The following LRP1B variants were observed in gnomAD, a reference collection of about 807,000 sequenced individuals.
The protein encoded by LRP1B is LDL receptor related protein 1B, also known as low-density lipoprotein receptor-related protein 1B.
Under a neutral mutation model 556.6 loss-of-function variants are expected in LRP1B, and 217 were observed. The observed-to-expected ratio is 0.39, with a 90% CI of 0.35 to 0.44. The LOEUF (loss-of-function observed/expected upper bound fraction) is 0.44. Ranked by LOEUF, LRP1B falls within the 20% of genes least tolerant of loss-of-function variation. The pLI is 1.00. For missense variants in LRP1B, 5,053 were observed against 5,620.8 expected (o/e 0.90, Z 3.23); for synonymous variants, 2,047 against 1,865.8 (o/e 1.10, Z -2.50).
Position 140,682,189 on chromosome 2 carries a change from T to C in LRP1B, c.6799+18061A>G, listed in dbSNP as rs572038204. Among the ~76,000 whole-genome samples, 3 of 152,336 alleles carry C rather than the reference T, an allele frequency of 2.0e-5. No individual in the cohort carries two copies. In the South Asian group the frequency reaches 6.2e-4, roughly 32 times the overall value. On this transcript the variant is annotated intron_variant, in intron 41 of 90. Transcript: ENST00000389484. Reference sequence around the variant, plus strand: ...GCGACAGAATGGGCATTTAGGACCATCTACTCTGTGAGGCTTCTTTCATCA... The same window carrying C: ...GCGACAGAATGGGCATTTAGGACCACCTACTCTGTGAGGCTTCTTTCATCA...
intron 3 of LRP1B, among the ~76,000 whole-genome samples, chr2:141,471,281 T>G (rs202174441): frequency 1.8e-4 from 15 of 81,774 alleles, no homozygotes; most frequent in South Asian, 5.9e-4. Context: ...TTTTTTTTTT[T>G]TTTTTTTTTT....
At chr2:141,721,241 T>C (rs1692800014) in intron 2 of LRP1B, among the ~76,000 whole-genome samples, 1 of 152,226 alleles carries the variant, frequency 6.6e-6, no homozygotes, top group Non-Finnish European at 1.5e-5. Context: ...AAGTTTTTAT[T>C]CAAAAGTGTG....
intron 6 of LRP1B, among the ~76,000 whole-genome samples, chr2:141,202,030 A>G (rs1682045701): frequency 6.6e-6 from 1 of 151,596 alleles, no homozygotes; most frequent in Admixed American, 6.6e-5. Flanking sequence ...AACATATGCC[A>G]TGATGGTTTG....
chr2:140,452,484 A>G (rs1686925139), intron 62 of LRP1B, among the ~76,000 whole-genome samples: 1 of 152,128 alleles, frequency 6.6e-6, no homozygotes, highest in African/African-American at 2.4e-5. Context: ...TGAAAAGCAT[A>G]TATCACAATA....
At chr2:141,933,573 C>T (rs544630490) in intron 1 of LRP1B, among the ~76,000 whole-genome samples, 1 of 152,036 alleles carries the variant, frequency 6.6e-6, no homozygotes, top group Non-Finnish European at 1.5e-5. Flanking sequence ...AAATAAATCT[C>T]AATTGCAAGG....
chr2:142,064,221 G>T (rs146076233), intron 1 of LRP1B, among the ~76,000 whole-genome samples: 2 of 151,442 alleles, frequency 1.3e-5, no homozygotes, highest in African/African-American at 2.4e-5. Flanking sequence ...CCACCTATCT[G>T]TACTCTATTT....
At chr2:141,486,126 T>C (rs1193978906) in intron 2 of LRP1B, among the ~76,000 whole-genome samples, 2 of 152,152 alleles carry the variant, frequency 1.3e-5, no homozygotes, top group African/African-American at 4.8e-5. Flanking sequence ...TAAATCTAAA[T>C]GTAGGTGACC....
intron 35 of LRP1B, among the ~76,000 whole-genome samples, chr2:140,725,616 A>T (rs1687567215): frequency 6.6e-6 from 1 of 151,908 alleles, no homozygotes; most frequent in Non-Finnish European, 1.5e-5. Context: ...GCACACCAAC[A>T]TGACATATGT....
chr2:140,833,421 G>A (rs552020131), intron 31 of LRP1B, among the ~76,000 whole-genome samples: 23 of 152,232 alleles, frequency 1.5e-4, no homozygotes, highest in African/African-American at 3.9e-4. Flanking sequence ...ATCACTCACT[G>A]ATTCACCAAA....
intron 1 of LRP1B, among the ~76,000 whole-genome samples, chr2:141,884,936 T>A (rs1453711642): frequency 1.3e-5 from 2 of 152,306 alleles, no homozygotes; most frequent in East Asian, 3.9e-4. Context: ...TTTGGATGGA[T>A]TGATTGGCTC....
intron 3 of LRP1B, among the ~76,000 whole-genome samples, chr2:141,291,855 C>CAAAAAAAAAAAAAA (rs143819331): frequency 1.0e-4 from 10 of 99,330 alleles, no homozygotes; most frequent in African/African-American, 1.8e-4. Context: ...GACTCTGTCT[C>CAAAAAAAAAAAAAA]AAAAAAAAAA....
At chr2:141,405,414 T>G (rs1278638806) in intron 3 of LRP1B, among the ~76,000 whole-genome samples, 1 of 152,148 alleles carries the variant, frequency 6.6e-6, no homozygotes, top group Non-Finnish European at 1.5e-5. Context: ...ACTACATTAA[T>G]TTAGTCATAA....
At chr2:141,413,999 G>A (rs1362116151) in intron 3 of LRP1B, among the ~76,000 whole-genome samples, 1 of 152,142 alleles carries the variant, frequency 6.6e-6, no homozygotes, top group Non-Finnish European at 1.5e-5. Context: ...GGGAGGCTGA[G>A]GTGGGCGCAT....
chr2:141,320,668 G>T (rs1237511830), intron 3 of LRP1B, among the ~76,000 whole-genome samples: 1 of 152,070 alleles, frequency 6.6e-6, no homozygotes, highest in African/African-American at 2.4e-5. Context: ...GAGAATAGGT[G>T]TCACCAAGTA....
At chr2:140,617,673 A>G (rs1232774642) in intron 41 of LRP1B, among the ~76,000 whole-genome samples, 5 of 152,046 alleles carry the variant, frequency 3.3e-5, no homozygotes, top group Non-Finnish European at 5.9e-5. Context: ...GAGATAAAGG[A>G]CTTTCTATTC....
chr2:141,068,631 T>C (rs1699549879), intron 7 of LRP1B, among the ~76,000 whole-genome samples: 1 of 151,934 alleles, frequency 6.6e-6, no homozygotes, highest in East Asian at 2.0e-4. Context: ...GTTTTTCCTA[T>C]TGGCACAGTT....
chr2:140,622,489 T>C (rs1053014530), intron 41 of LRP1B, among the ~76,000 whole-genome samples: 1 of 152,160 alleles, frequency 6.6e-6, no homozygotes, highest in East Asian at 1.9e-4. Flanking sequence ...AGTCGGTTTG[T>C]ATAATGTTAT....
intron 2 of LRP1B, among the ~76,000 whole-genome samples, chr2:141,626,310 T>C (rs1409634823): frequency 1.3e-5 from 2 of 152,194 alleles, no homozygotes; most frequent in African/African-American, 4.8e-5. Flanking sequence ...AAAAGTTAAC[T>C]TGAAATAGAT....
chr2:141,015,858 A>G lies in LRP1B; in HGVS notation c.2028T>C (p.Ile676=). 1 of 1,613,494 alleles carries G rather than the reference A, an allele frequency of 6.2e-7. No homozygotes were observed. The highest frequency in any genetic ancestry group is 8.5e-7 in the Non-Finnish European group (1 of 1,179,668). The change falls in exon 13 of 91, where the codon ATT becomes ATC. Residue 676 remains isoleucine (I), a synonymous_variant. Transcript: ENST00000389484. The part of the protein sequence containing the change: ...EDEIDDSVGR[I]EKAWMDGFNR... Reference sequence around the variant, plus strand: ...TGAATCCATCCATCCAGGCCTTCTCAATCCTTCCCACGCTGTCATCTATTT... The same window carrying G: ...TGAATCCATCCATCCAGGCCTTCTCGATCCTTCCCACGCTGTCATCTATTT...
Sources: allele counts gnomAD v4.1 joint callset (sites outside exome capture counted in the v4.1 genomes callset), GRCh38; gene constraint gnomAD v4.1.1; transcripts MANE v1.5; gene names NCBI Gene and HGNC (gene_info 2026-07-23, HGNC 2026-07-21).